The following KIAA1217 variants were observed in gnomAD, a reference collection of about 807,000 sequenced individuals.
The protein encoded by KIAA1217 is sickle tail protein homolog.
KIAA1217 carries 88 observed loss-of-function variants against 163.9 expected under a neutral mutation model. The observed-to-expected ratio is 0.54, with a 90% confidence interval of 0.45 to 0.64. KIAA1217 has a LOEUF of 0.64. Among genes scored for constraint, KIAA1217 ranks in the 30% least tolerant of loss-of-function variants. KIAA1217 has a pLI of 0.00. For synonymous variants in KIAA1217, 903 were observed against 923.1 expected, an observed-to-expected ratio of 0.98 and a Z score of 0.39; for missense variants, 2,372 against 2,475.0, an observed-to-expected ratio of 0.96 and a Z score of 0.88.
chr10:24,301,405 A>T (rs1185078189), intron 2 of KIAA1217, among the ~76,000 whole-genome samples: 1 of 152,242 alleles, frequency 6.6e-6, no homozygotes, highest in African/African-American at 2.4e-5. Context: ...ATTATAAAGC[A>T]TATTGAGTGA....
chr10:23,897,042 A>G (rs1004819423), intron 1 of KIAA1217, among the ~76,000 whole-genome samples: 2 of 152,074 alleles, frequency 1.3e-5, no homozygotes, highest in African/African-American at 2.4e-5. Context: ...ACTTTTTGGA[A>G]GCAAGTGATA....
intron 1 of KIAA1217, among the ~76,000 whole-genome samples, chr10:23,803,530 GT>G (rs1836579279): frequency 6.6e-6 from 1 of 152,212 alleles, no homozygotes; most frequent in African/African-American, 2.4e-5. Context: ...ATCACAGTCA[GT>G]TTCTCCCTTT....
At chr10:24,376,675 T>C (rs2052536838) in intron 2 of KIAA1217, among the ~76,000 whole-genome samples, 1 of 151,974 alleles carries the variant, frequency 6.6e-6, no homozygotes, top group Non-Finnish European at 1.5e-5. Flanking sequence ...GGTGGGAGGA[T>C]CGCTTGAGCC....
At chr10:24,341,579 A>G (rs1467263657) in intron 2 of KIAA1217, among the ~76,000 whole-genome samples, 1 of 152,210 alleles carries the variant, frequency 6.6e-6, no homozygotes, top group Non-Finnish European at 1.5e-5. Flanking sequence ...AAGTTGAATC[A>G]GGGAAACGAA....
intron 2 of KIAA1217, among the ~76,000 whole-genome samples, chr10:24,042,953 T>C (rs545364154): frequency 2.2e-4 from 33 of 152,362 alleles, no homozygotes; most frequent in Non-Finnish European, 3.5e-4. Context: ...CTGAAAATAC[T>C]AACGTATGGT....
intron 2 of KIAA1217, chr10:24,158,889 A>T: frequency 4.7e-6 from 1 of 213,594 alleles, no homozygotes; most frequent in Non-Finnish European, 9.9e-6. Flanking sequence ...AGTATTGGAC[A>T]GTTATACTTC....
In KIAA1217 at chr10:24,482,380, C is replaced by T. The variant is rs370338751; in HGVS notation, c.1679+8320C>T. 8.6e-5 allele frequency: 13 copies of T among 150,838 alleles called. No individual in the cohort carries two copies. The East Asian group carries it at 2.2e-3, about 25-fold the overall frequency. 9.3% of individuals were successfully genotyped at this position (150,838 alleles called of 1,614,324 possible). A position where few individuals can be genotyped will look rare whatever the true frequency, so the allele number is the denominator to read the frequency against. On this transcript the variant is annotated intron_variant, in intron 6 of 20. Transcript: ENST00000376454. The stretch of plus-strand genomic sequence containing the variant: ...ACTGTGAGATTCAGATAACTCGGTC[C>T]TTTGCCAACTAGAACTTCAAAGAGA...
chr10:23,832,587 T>C (rs1211300356), intron 1 of KIAA1217, among the ~76,000 whole-genome samples: 1 of 152,144 alleles, frequency 6.6e-6, no homozygotes, highest in East Asian at 1.9e-4. Context: ...CTCCCCATCC[T>C]AGGGGCTCCC....
intron 5 of KIAA1217, among the ~76,000 whole-genome samples, chr10:24,441,473 G>A (rs186882079): frequency 9.9e-4 from 150 of 152,224 alleles, no homozygotes; most frequent in African/African-American, 3.5e-3. Context: ...TTCCCAGAGC[G>A]GTTTTATGAT....
At chr10:23,923,156 A>G (rs1842909655) in intron 1 of KIAA1217, among the ~76,000 whole-genome samples, 1 of 152,064 alleles carries the variant, frequency 6.6e-6, no homozygotes, top group Non-Finnish European at 1.5e-5. Flanking sequence ...TTGCATCCTC[A>G]TAGCATAGCT....
intron 1 of KIAA1217, among the ~76,000 whole-genome samples, chr10:23,699,782 GC>G (rs1441676663): frequency 6.6e-6 from 1 of 152,096 alleles, no homozygotes; most frequent in Non-Finnish European, 1.5e-5. Context: ...GAGCCACTGT[GC>G]CCAGCCATTG....
At chr10:24,405,338 T>C (rs184558820) in intron 3 of KIAA1217, among the ~76,000 whole-genome samples, 152 of 152,296 alleles carry the variant, frequency 1.0e-3, no homozygotes, top group African/African-American at 3.6e-3. Context: ...CTAAGAAGGA[T>C]AATAAACCTA....
In KIAA1217 at chr10:24,264,756, G is replaced by A. The variant is rs145471266; in HGVS notation, c.354+44847G>A. 9.2e-3 allele frequency among the ~76,000 whole-genome samples: 1,244 copies of A among 135,352 alleles called. 14 individuals carry two copies. Among genetic ancestry groups the A allele is most frequent in the African/African-American group, 0.033 (1,181 of 35,426 alleles). 88.8% of individuals were successfully genotyped at this position (135,352 alleles called of 152,430 possible). On this transcript the variant is annotated intron_variant, in intron 2 of 20. Transcript: ENST00000376454. ...GAACTTACTTGCTCTTGTGGTGGTC[G>A]GTCGGTCTTTCTCTCTCTCTCTCTC... is the stretch of plus-strand genomic sequence containing the variant.
intron 5 of KIAA1217, among the ~76,000 whole-genome samples, chr10:24,459,837 G>C (rs1002394477): frequency 6.6e-6 from 1 of 152,164 alleles, no homozygotes; most frequent in Non-Finnish European, 1.5e-5. Flanking sequence ...AGGCTGAGGT[G>C]GGAGGATCAC....
chr10:24,403,621 C>G (rs1156852587), intron 3 of KIAA1217, among the ~76,000 whole-genome samples: 1 of 152,126 alleles, frequency 6.6e-6, no homozygotes, highest in East Asian at 1.9e-4. Context: ...GGACCAGTAT[C>G]TAGAATATAT....
At chr10:23,783,992 A>T (rs1835373708) in intron 1 of KIAA1217, among the ~76,000 whole-genome samples, 1 of 149,178 alleles carries the variant, frequency 6.7e-6, no homozygotes, top group African/African-American at 2.6e-5. Flanking sequence ...TTATTTATTA[A>T]AAAAAAACTT....
In KIAA1217 at chr10:23,864,745, G is replaced by T. The variant is rs997218541; in HGVS notation, c.-320-142480G>T. Among the ~76,000 whole-genome samples the T allele has an allele frequency of 3.3e-4, 50 of 152,088 alleles. 1 individual carries two copies. Among genetic ancestry groups the T allele is most frequent in the Admixed American group, 1.3e-4 (2 of 15,238 alleles). On this transcript the variant is annotated intron_variant, in intron 1 of 18. Coordinates refer to the KIAA1217 transcript ENST00000376462. ...AATAGACTGTACATAGTTATATATA[G>T]AGAGAACATTATTTATTTTAAGAAA... is the stretch of plus-strand genomic sequence containing the variant.
At chr10:24,378,607 C>G (rs1001356349) in intron 2 of KIAA1217, among the ~76,000 whole-genome samples, 1 of 150,908 alleles carries the variant, frequency 6.6e-6, no homozygotes, top group Admixed American at 6.6e-5. Context: ...CCCATGGTGC[C>G]TAGCACTGTT....
chr10:24,401,652 T>A (rs1258036849), intron 3 of KIAA1217, among the ~76,000 whole-genome samples: 1 of 152,192 alleles, frequency 6.6e-6, no homozygotes. Flanking sequence ...ATACTTTCCC[T>A]CTAAGATAGG....
Sources: allele counts gnomAD v4.1 joint callset (sites outside exome capture counted in the v4.1 genomes callset), GRCh38; gene constraint gnomAD v4.1.1; transcripts MANE v1.5; gene names NCBI Gene and HGNC (gene_info 2026-07-23, HGNC 2026-07-21).